ITGA8: variants seen among roughly 807,000 people sequenced by gnomAD.
ITGA8 encodes integrin subunit alpha 8.
Under a neutral mutation model 142.3 loss-of-function variants are expected in ITGA8, and 91 were observed. The ratio of observed to expected loss-of-function variants is 0.64; its 90% confidence interval spans 0.54 to 0.76. The LOEUF is 0.76. ITGA8 is among the 30% of genes least tolerant of loss of function. The probability of loss-of-function intolerance (pLI) is 0.00; values close to 1 mark genes in which losing one functional copy is unlikely to be tolerated. For missense variants in ITGA8, 1,406 were observed against 1,327.7 expected (o/e 1.06, Z -0.92); for synonymous variants, 505 against 485.2 (o/e 1.04, Z -0.54).
chr10:15,556,548 C>T (rs1833892933), intron 26 of ITGA8, among the ~76,000 whole-genome samples: 1 of 152,094 alleles, frequency 6.6e-6, no homozygotes, highest in Non-Finnish European at 1.5e-5. Flanking sequence ...TTGCTTTATC[C>T]TTATTTTATA....
chr10:15,609,043 T>A (rs1337345972), intron 15 of ITGA8, among the ~76,000 whole-genome samples: 2 of 152,122 alleles, frequency 1.3e-5, no homozygotes, highest in Non-Finnish European at 2.9e-5. Flanking sequence ...CAGATGTCCA[T>A]GAGAGACACT....
chr10:15,655,506 T>A, intron 10 of ITGA8, 100 bp from the exon 11 acceptor site: 2 of 850,810 alleles, frequency 2.4e-6, no homozygotes, highest in Non-Finnish European at 3.9e-6. Context: ...TGTGGTACAT[T>A]TTTGCATTGA....
intron 26 of ITGA8, among the ~76,000 whole-genome samples, chr10:15,549,648 C>T (rs560005024): frequency 2.0e-5 from 3 of 152,244 alleles, no homozygotes; most frequent in South Asian, 2.1e-4. Context: ...GTGGCCCATG[C>T]GTATTCATTT....
At chr10:15,658,546 C>A (rs190644539) in intron 10 of ITGA8, among the ~76,000 whole-genome samples, 1 of 152,058 alleles carries the variant, frequency 6.6e-6, no homozygotes, top group Non-Finnish European at 1.5e-5. Context: ...TGTTTGAAAG[C>A]CTTCTTGTTA....
intron 13 of ITGA8, among the ~76,000 whole-genome samples, chr10:15,634,937 C>T (rs1258004599): frequency 1.3e-5 from 2 of 150,868 alleles, no homozygotes; most frequent in Non-Finnish European, 2.9e-5. Flanking sequence ...TCTGTGAGTC[C>T]AAAAGTATTT....
At chr10:15,686,605 A>G (rs1187051513) in intron 3 of ITGA8, among the ~76,000 whole-genome samples, 1 of 152,234 alleles carries the variant, frequency 6.6e-6, no homozygotes, top group Non-Finnish European at 1.5e-5. Flanking sequence ...ATGTATACCC[A>G]TGGTACCTGG....
At chr10:15,594,285 G>A (rs551334760) in intron 21 of ITGA8, among the ~76,000 whole-genome samples, 5 of 152,110 alleles carry the variant, frequency 3.3e-5, no homozygotes, top group African/African-American at 1.2e-4. Context: ...GATATCTCCT[G>A]CAATACATTC....
At chr10:15,678,679 A>C in intron 5 of ITGA8, 43 bp downstream of exon 5, 1 of 1,399,386 alleles carries the variant, frequency 7.1e-7, no homozygotes, top group Non-Finnish European at 1.0e-6. Flanking sequence ...GGTAAAAAAA[A>C]ATCAGATTAA....
At chr10:15,616,665 C>A (rs9333148) in intron 13 of ITGA8, 106 bp from the exon 14 acceptor site, 1 of 867,120 alleles carries the variant, frequency 1.2e-6, no homozygotes, top group Non-Finnish European at 1.9e-6. Flanking sequence ...GCTGATGGTA[C>A]GAGAGCCACA....
Position 15,715,641 on chromosome 10 carries a change from A to G in ITGA8, c.343+3125T>C, listed in dbSNP as rs114311204. ...ACAATGTGTGTACCGTGTCTGGTAC[A>G]TAGTAGCGATCTGTAAATGGGATGC... On this transcript the variant is annotated intron_variant, in intron 2 of 29. Transcript: ENST00000378076. 2.7e-3 allele frequency among the ~76,000 whole-genome samples: 410 copies of G among 152,374 alleles called. 2 individuals are homozygous for G. The highest frequency in any genetic ancestry group is 8.9e-3 in the African/African-American group (371 of 41,590).
intron 23 of ITGA8, among the ~76,000 whole-genome samples, chr10:15,583,282 A>C (rs1287821967): frequency 6.6e-6 from 1 of 152,096 alleles, no homozygotes; most frequent in East Asian, 1.9e-4. Context: ...CAAACACCAC[A>C]TGTTCTCACT....
At chr10:15,657,683 C>A (rs1412149343) in intron 10 of ITGA8, among the ~76,000 whole-genome samples, 1 of 151,872 alleles carries the variant, frequency 6.6e-6, no homozygotes, top group Admixed American at 6.6e-5. Context: ...CTAAAGGAAG[C>A]CAGTTGTGAA....
At chr10:15,694,293 A>ACT (rs1834997320) in intron 2 of ITGA8, among the ~76,000 whole-genome samples, 1 of 129,732 alleles carries the variant, frequency 7.7e-6, no homozygotes, top group South Asian at 2.2e-4. Flanking sequence ...CAGATAATAT[A>ACT]TCATATATAT....
At chr10:15,571,473 T>A (rs546899929) in intron 25 of ITGA8, among the ~76,000 whole-genome samples, 10 of 152,370 alleles carry the variant, frequency 6.6e-5, no homozygotes, top group African/African-American at 1.9e-4. Flanking sequence ...TTCAAGGGCT[T>A]ATGCTAATTA....
chr10:15,575,411 A>G (rs1008600835), intron 24 of ITGA8, 78 bp downstream of exon 24: 4 of 1,002,386 alleles, frequency 4.0e-6, no homozygotes, highest in Non-Finnish European at 6.4e-6. Flanking sequence ...TGATAATGAT[A>G]ATAATGCTAC....
chr10:15,535,898 C>T (rs578157934), intron 27 of ITGA8, among the ~76,000 whole-genome samples: 4 of 152,100 alleles, frequency 2.6e-5, no homozygotes, highest in Admixed American at 6.6e-5. Flanking sequence ...ACACTCACCT[C>T]GAAGGTCTGC....
intron 25 of ITGA8, among the ~76,000 whole-genome samples, chr10:15,567,976 G>T (rs1834108695): frequency 6.6e-6 from 1 of 152,182 alleles, no homozygotes; most frequent in African/African-American, 2.4e-5. Flanking sequence ...ACAGTAGTGT[G>T]ATCATAGCTC....
At chr10:15,683,299 A>ATCCACCCC in intron 4 of ITGA8, among the ~76,000 whole-genome samples, 1 of 67,568 alleles carries the variant, frequency 1.5e-5, no homozygotes, top group African/African-American at 4.8e-5. Context: ...CCATCCACCC[A>ATCCACCCC]TCCACCCACC....
At chr10:15,550,367 G>A (rs1199231546) in intron 26 of ITGA8, among the ~76,000 whole-genome samples, 1 of 152,200 alleles carries the variant, frequency 6.6e-6, no homozygotes, top group African/African-American at 2.4e-5. Context: ...AAACTCTGTG[G>A]TTTGTGGCCC....
Sources: allele counts gnomAD v4.1 joint callset (sites outside exome capture counted in the v4.1 genomes callset), GRCh38; gene constraint gnomAD v4.1.1; transcripts MANE v1.5; gene names NCBI Gene and HGNC (gene_info 2026-07-23, HGNC 2026-07-21).